DNAJB14: variants seen among roughly 807,000 people sequenced by gnomAD.
The protein encoded by DNAJB14 is dnaJ homolog subfamily B member 14.
In DNAJB14, 22 loss-of-function variants were observed where a neutral mutation model predicts 48.4. The ratio of observed to expected loss-of-function variants is 0.45; its 90% confidence interval spans 0.32 to 0.65. The LOEUF (loss-of-function observed/expected upper bound fraction) is 0.65, where lower values mean the gene tolerates loss of function less well. Ranked by LOEUF, DNAJB14 falls within the 30% of genes least tolerant of loss-of-function variation. DNAJB14 has a pLI of 0.03. For missense variants in DNAJB14, 319 were observed against 458.8 expected, an observed-to-expected ratio of 0.70 and a Z score of 2.78; for synonymous variants, 142 against 158.7, an observed-to-expected ratio of 0.89 and a Z score of 0.79.
At chr4:99,903,195 C>G (rs557291507) in intron 7 of DNAJB14, among the ~76,000 whole-genome samples, 2 of 152,234 alleles carry the variant, frequency 1.3e-5, no homozygotes, top group East Asian at 1.9e-4. Context: ...ATAGATGGAA[C>G]TGTTCCTTAA....
At chr4:99,913,220 T>C (rs1020162047) in intron 3 of DNAJB14, among the ~76,000 whole-genome samples, 10 of 152,226 alleles carry the variant, frequency 6.6e-5, no homozygotes, top group East Asian at 3.8e-4. Context: ...CTGCACTTTG[T>C]TGAATATGAG....
chr4:99,907,115 T>C (rs1378969034), intron 4 of DNAJB14, among the ~76,000 whole-genome samples: 1 of 152,172 alleles, frequency 6.6e-6, no homozygotes. Flanking sequence ...TCATATAAGA[T>C]GACCAATCAG....
intron 1 of DNAJB14, 69 bp downstream of exon 1, chr4:99,946,370 T>TGGGGGCAGGGGC: frequency 6.5e-7 from 1 of 1,545,640 alleles, no homozygotes; most frequent in Non-Finnish European, 8.7e-7. Flanking sequence ...GGGGCCGAGG[T>TGGGGGCAGGGGC]GGGGGCAGGG....
chr4:99,905,996 A>G (rs1725452876), intron 5 of DNAJB14: 1 of 1,291,708 alleles, frequency 7.7e-7, no homozygotes, highest in Admixed American at 3.0e-5. Context: ...CCACACACAG[A>G]GACGCTATCA....
intron 1 of DNAJB14, among the ~76,000 whole-genome samples, chr4:99,940,370 ATCACTTGAGG>A (rs1169282984): frequency 1.3e-5 from 2 of 152,166 alleles, no homozygotes; most frequent in African/African-American, 2.4e-5. Flanking sequence ...AGGCAGGTGG[ATCACTTGAGG>A]TCAGGAGTTT....
chr4:99,903,975 C>A, intron 6 of DNAJB14, 77 bp from the exon 7 acceptor site: 2 of 1,425,310 alleles, frequency 1.4e-6, no homozygotes, highest in Non-Finnish European at 1.9e-6. Context: ...CAAACAAAAA[C>A]AATTAAAAAT....
chr4:99,928,413 T>C (rs1037683206), intron 2 of DNAJB14: 2 of 231,340 alleles, frequency 8.6e-6, no homozygotes, highest in Non-Finnish European at 1.9e-5. Flanking sequence ...CAGCATCATC[T>C]TTCATTCTTC....
At chr4:99,914,221 A>G (rs1402257736) in intron 3 of DNAJB14, among the ~76,000 whole-genome samples, 1 of 152,202 alleles carries the variant, frequency 6.6e-6, no homozygotes, top group African/African-American at 2.4e-5. Context: ...ATTGAGGATC[A>G]AATTTCAATA....
rs1470473721 is a variant in DNAJB14 at position 99,900,726 on chromosome 4, A to T, written c.*302T>A. 9.5e-6 allele frequency: 2 copies of T among 209,782 alleles called. No homozygotes were observed. The highest frequency in any genetic ancestry group is 9.4e-6 in the Non-Finnish European group (1 of 106,064). 13.0% of individuals were successfully genotyped at this position (209,782 alleles called of 1,614,324 possible). A position where few individuals can be genotyped will look rare whatever the true frequency, so the allele number is the denominator to read the frequency against. On this transcript the variant is annotated 3_prime_UTR_variant, in exon 8 of 8. Transcript: ENST00000442697. ...ATTTACATGACAAGGGAAAAAATGG[A>T]GAATCACTAAAACTGGAAATTGCTA...
intron 3 of DNAJB14, chr4:99,910,399 A>G (rs889044037): frequency 4.6e-5 from 7 of 152,064 alleles, no homozygotes; most frequent in African/African-American, 1.4e-4. Flanking sequence ...CATATCTATC[A>G]ATCTCTGCTA....
chr4:99,943,081 C>T (rs1444860734), intron 1 of DNAJB14, among the ~76,000 whole-genome samples: 3 of 152,116 alleles, frequency 2.0e-5, no homozygotes, highest in Non-Finnish European at 2.9e-5. Context: ...CTAGAATGTT[C>T]TATATAAAAT....
At chr4:99,912,650 T>G (rs1043582970) in intron 3 of DNAJB14, among the ~76,000 whole-genome samples, 4 of 152,034 alleles carry the variant, frequency 2.6e-5, no homozygotes, top group Non-Finnish European at 4.4e-5. Flanking sequence ...TCGCTAATGT[T>G]GTACTTTTAG....
chr4:99,902,176 A>T (rs1486110654), intron 7 of DNAJB14, among the ~76,000 whole-genome samples: 1 of 152,136 alleles, frequency 6.6e-6, no homozygotes, highest in Non-Finnish European at 1.5e-5. Context: ...ATTCCAGTCC[A>T]ACTCTCCAAT....
Position 99,897,221 on chromosome 4 carries a change from C to T in DNAJB14, c.*3807G>A, listed in dbSNP as rs1578207745. ...AAAAAAATATATATATATATATATA[C>T]ACCTATACATAGACACATCCACAGA... On this transcript the variant is annotated 3_prime_UTR_variant, in exon 8 of 8. Coordinates refer to ENST00000442697, the MANE Select transcript of DNAJB14 (RefSeq NM_001031723.4). The T allele has an allele frequency of 1.4e-5, 2 of 143,084 alleles. No homozygotes were observed. Among genetic ancestry groups the T allele is most frequent in the Admixed American group, 6.9e-5 (1 of 14,474 alleles). The allele number at this position is 143,084 out of a possible 1,614,324, so 8.9% of individuals were successfully genotyped here.
intron 1 of DNAJB14, among the ~76,000 whole-genome samples, chr4:99,932,625 A>G (rs1726517618): frequency 6.6e-6 from 1 of 152,198 alleles, no homozygotes; most frequent in Non-Finnish European, 1.5e-5. Flanking sequence ...CATAGTTACC[A>G]TTTGACTCAA....
intron 2 of DNAJB14, chr4:99,927,197 A>C (rs1174114697): frequency 6.6e-6 from 1 of 152,184 alleles, no homozygotes; most frequent in African/African-American, 2.4e-5. Context: ...GGAGCTCAAC[A>C]ATGGGAAAAC....
rs554851242 is a variant in DNAJB14 at position 99,943,350 on chromosome 4, C to G, written c.133+3089G>C. On this transcript the variant is annotated intron_variant, in intron 1 of 7. Transcript: ENST00000442697. ...TCACCCTTACATTTCTTAATTTTTCCAACATTCATGTCCTTAAGAGCAACA... is the reference window on the plus strand; with the variant it reads ...TCACCCTTACATTTCTTAATTTTTCGAACATTCATGTCCTTAAGAGCAACA... 5.3e-5 allele frequency among the ~76,000 whole-genome samples: 8 copies of G among 152,240 alleles called. No homozygotes were observed. The South Asian group carries it at 1.2e-3, about 24-fold the overall frequency.
chr4:99,923,826 A>C (rs1726149949), intron 2 of DNAJB14: 2 of 983,748 alleles, frequency 2.0e-6, no homozygotes. Context: ...GGCATAAACC[A>C]CTGCACCCGG....
intron 3 of DNAJB14, among the ~76,000 whole-genome samples, chr4:99,921,059 T>A (rs1270566879): frequency 6.6e-6 from 1 of 152,206 alleles, no homozygotes; most frequent in Admixed American, 6.5e-5. Context: ...TTCTGTGTGA[T>A]GATGCCATCT....
Sources: gnomAD v4.1 joint callset for allele counts (sites outside exome capture counted in the v4.1 genomes callset) on GRCh38, gnomAD v4.1.1 for gene constraint, MANE v1.5 for transcripts, NCBI Gene and HGNC (gene_info 2026-07-23, HGNC 2026-07-21) for gene names.